Variants in LARGE1 observed in about 807,000 individuals in gnomAD.
LARGE1 encodes LARGE xylosyl- and glucuronyltransferase 1.
A neutral mutation model predicts 87.6 loss-of-function variants in LARGE1; 43 were observed. The ratio of observed to expected loss-of-function variants is 0.49; its 90% CI spans 0.38 to 0.63. The LOEUF is 0.63. Ranked by LOEUF, LARGE1 falls within the 30% of genes least tolerant of loss-of-function variation. The pLI is 0.00. For synonymous variants in LARGE1, 434 were observed against 394.6 expected (o/e 1.10, Z -1.18); for missense variants, 802 against 1,000.2 (o/e 0.80, Z 2.67).
chr22:33,905,044 GTTTTTTTTTTTTAATTCCTTTTTTTT>G (rs1466797199), intron 1 of LARGE1, among the ~76,000 whole-genome samples: 1 of 126,800 alleles, frequency 7.9e-6, no homozygotes, highest in Non-Finnish European at 1.7e-5. Flanking sequence ...AGGTATTTAA[GTTTTTTTTTTTTAATTCCTTTTTTTT>G]TTTTTTTTTT....
chr22:33,848,033 T>C (rs1346122057), intron 1 of LARGE1, among the ~76,000 whole-genome samples: 4 of 152,222 alleles, frequency 2.6e-5, no homozygotes, highest in Admixed American at 2.6e-4. Flanking sequence ...TGTCACCATT[T>C]TGCTTCATGA....
intron 10 of LARGE1, among the ~76,000 whole-genome samples, chr22:33,331,930 G>A (rs758331004): frequency 2.6e-5 from 4 of 151,998 alleles, no homozygotes; most frequent in Non-Finnish European, 2.9e-5. Context: ...CTCCCTAGTT[G>A]TGTAAAATGC....
At chr22:33,662,892 A>G (rs2081169608) in intron 2 of LARGE1, among the ~76,000 whole-genome samples, 1 of 152,204 alleles carries the variant, frequency 6.6e-6, no homozygotes, top group Non-Finnish European at 1.5e-5. Flanking sequence ...CTGGCTGGAC[A>G]TTCCTTTGCC....
chr22:33,380,576 T>C (rs986256219), intron 9 of LARGE1, among the ~76,000 whole-genome samples: 1 of 152,168 alleles, frequency 6.6e-6, no homozygotes, highest in African/African-American at 2.4e-5. Flanking sequence ...TGATGTTCAT[T>C]AACACCATGT....
At chr22:33,276,646 TA>T (rs1267574522) in intron 14 of LARGE1, among the ~76,000 whole-genome samples, 1 of 152,258 alleles carries the variant, frequency 6.6e-6, no homozygotes, top group African/African-American at 2.4e-5. Flanking sequence ...ATGCATCTAT[TA>T]ATCTTTTAGT....
intron 11 of LARGE1, among the ~76,000 whole-genome samples, chr22:33,263,802 A>G (rs1602167817): frequency 2.6e-5 from 4 of 152,372 alleles, no homozygotes; most frequent in African/African-American, 9.6e-5. Flanking sequence ...GAAATGCACG[A>G]TGAAGGACCT....
intron 2 of LARGE1, among the ~76,000 whole-genome samples, chr22:33,721,989 C>T (rs952564493): frequency 1.3e-5 from 2 of 152,154 alleles, no homozygotes; most frequent in African/African-American, 2.4e-5. Flanking sequence ...CAGTGGCTCA[C>T]GCCTGTAATC....
At chr22:33,614,810 A>T (rs1176731806) in intron 4 of LARGE1, among the ~76,000 whole-genome samples, 3 of 151,674 alleles carry the variant, frequency 2.0e-5, no homozygotes, top group African/African-American at 7.3e-5. Flanking sequence ...GCTGTGGAGG[A>T]TAGCGCTTCT....
At chr22:33,450,447 C>CAA (rs367922467) in intron 6 of LARGE1, among the ~76,000 whole-genome samples, 4,665 of 128,020 alleles carry the variant, frequency 0.036, 103 homozygotes, top group Non-Finnish European at 0.045. Context: ...ACTAAAAATA[C>CAA]AAAAAAAAAA....
chr22:33,831,728 CACA>C (rs919398557), intron 1 of LARGE1, among the ~76,000 whole-genome samples: 67 of 150,750 alleles, frequency 4.4e-4, no homozygotes, highest in African/African-American at 1.6e-3. Flanking sequence ...CAGGTCCTAA[CACA>C]ACACACACAC....
At chr22:33,793,232 G>A (rs985794743) in intron 1 of LARGE1, among the ~76,000 whole-genome samples, 7 of 152,140 alleles carry the variant, frequency 4.6e-5, no homozygotes, top group African/African-American at 1.7e-4. Context: ...CATCACCCTG[G>A]ATCACAACGG....
At chr22:33,310,364 T>C (rs5998867) in intron 11 of LARGE1, among the ~76,000 whole-genome samples, 29,422 of 151,986 alleles carry the variant, frequency 0.19, 3,569 homozygotes, top group African/African-American at 0.34. Context: ...CTCTCCCTGG[T>C]GTGGTGTCAG....
chr22:33,072,960 C>T, the LARGE1 span, among the ~76,000 whole-genome samples: 1 of 152,180 alleles, frequency 6.6e-6, no homozygotes, highest in Non-Finnish European at 1.5e-5. Context: ...TCAGCACAGA[C>T]ATTTCTAGGC....
chr22:33,358,011 G>T (rs1292179779), intron 9 of LARGE1, among the ~76,000 whole-genome samples: 1 of 152,176 alleles, frequency 6.6e-6, no homozygotes, highest in Non-Finnish European at 1.5e-5. Flanking sequence ...CCCAGAGTGG[G>T]TGCTCTGCCA....
chr22:33,352,092 A>C (rs937457546), intron 9 of LARGE1, among the ~76,000 whole-genome samples: 1 of 152,212 alleles, frequency 6.6e-6, no homozygotes, highest in Non-Finnish European at 1.5e-5. Flanking sequence ...TTACTACATA[A>C]GAATGGCTAA....
chr22:33,113,745 T>C, the LARGE1 span, among the ~76,000 whole-genome samples: 1 of 152,238 alleles, frequency 6.6e-6, no homozygotes, highest in Non-Finnish European at 1.5e-5. Flanking sequence ...CCCAGTAGAC[T>C]GAAGTGTGCT....
chr22:33,749,651 C>G (rs2145620486), intron 2 of LARGE1, among the ~76,000 whole-genome samples: 1 of 152,354 alleles, frequency 6.6e-6, no homozygotes, highest in Admixed American at 6.5e-5. Context: ...TCCGTTCCTT[C>G]TCTTGATTAT....
intron 6 of LARGE1, among the ~76,000 whole-genome samples, chr22:33,554,526 C>T (rs548731906): frequency 1.1e-4 from 16 of 152,228 alleles, no homozygotes; most frequent in African/African-American, 3.6e-4. Flanking sequence ...AAACCGAACT[C>T]GCCGTCCAGT....
intron 9 of LARGE1, among the ~76,000 whole-genome samples, chr22:33,350,896 G>T (rs1269367148): frequency 6.6e-6 from 1 of 152,132 alleles, no homozygotes; most frequent in Admixed American, 6.5e-5. Context: ...GTTCTTGCAT[G>T]GATACCTGTC....
Sources: allele counts gnomAD v4.1 joint callset (sites outside exome capture counted in the v4.1 genomes callset), GRCh38; gene constraint gnomAD v4.1.1; transcripts MANE v1.5; gene names NCBI Gene and HGNC (gene_info 2026-07-23, HGNC 2026-07-21).